Variants in SLC22A7 observed in about 807,000 individuals in gnomAD.
SLC22A7 encodes the protein hOAT2.
Under a neutral mutation model 62.2 loss-of-function variants are expected in SLC22A7, and 48 were observed. That is an observed-to-expected ratio of 0.77 (90% confidence interval 0.61 to 0.98). The LOEUF (loss-of-function observed/expected upper bound fraction) is 0.98. Ranked by LOEUF, SLC22A7 falls within the 50% of genes least tolerant of loss-of-function variation. The pLI is 0.00. For missense variants in SLC22A7, 581 were observed against 703.8 expected, an observed-to-expected ratio of 0.83 and a Z score of 1.97; for synonymous variants, 276 against 314.8, an observed-to-expected ratio of 0.88 and a Z score of 1.30.
chr6:43,304,248 T>A lies in SLC22A7; in HGVS notation c.1592+4T>A. On this transcript the variant is annotated splice_donor_region_variant and intron_variant, in intron 10 of 10. Transcript: ENST00000372585. The stretch of plus-strand genomic sequence containing the variant: ...TCCAGGACGTGGAGAGAAAGAGGTG[T>A]GTGCACAGGACTGTGTCTGTGTACG... The A allele has an allele frequency of 9.1e-6, 14 of 1,541,956 alleles. No individual in the cohort carries two copies. Among genetic ancestry groups the A allele is most frequent in the Non-Finnish European group, 1.1e-5 (13 of 1,142,158 alleles).
In SLC22A7 at chr6:43,299,589, C is replaced by T; in HGVS notation, c.504-38C>T. On this transcript the variant is annotated intron_variant, in intron 3 of 10. Coordinates refer to ENST00000372585, the MANE Select transcript of SLC22A7 (RefSeq NM_153320.2). This position sits in a 1 kb window ranked among gnomAD's most constrained non-coding sequence, Gnocchi z 4.4. Reference sequence around the variant, plus strand: ...TAGTCTACCTATGCCTTAGAACCTCCTTCCACAGGGAACTGACCCTGCATG... The same window carrying T: ...TAGTCTACCTATGCCTTAGAACCTCTTTCCACAGGGAACTGACCCTGCATG... 6.2e-7 allele frequency: 1 copy of T among 1,613,874 alleles called. No homozygotes were observed. The highest frequency in any genetic ancestry group is 8.5e-7 in the Non-Finnish European group (1 of 1,179,810).
rs758404109 is a variant in SLC22A7 at position 43,299,855 on chromosome 6, C to A, written c.659-43C>A. ...GTTGTCAGAGTGAGGCTGAGCCCAT[C>A]TGGTCCTCACTAACCATCTTCCTGT... On this transcript the variant is annotated intron_variant, in intron 4 of 10. Transcript: ENST00000372585. The surrounding 1 kb of genome is among the most constrained non-coding windows in gnomAD (Gnocchi z 4.4). 18 of 1,614,078 alleles carry A rather than the reference C, an allele frequency of 1.1e-5. No individual in the cohort carries two copies. The South Asian group carries it at 2.0e-4, about 18-fold the overall frequency.
Position 43,302,473 on chromosome 6 carries a change from C to T in SLC22A7, c.1276+59C>T. ...GAAGCCGGGCCAGGAACCCTGCCCA[C>T]TCCCCGGAGACCCCACCTCCTGGCC... is the stretch of plus-strand genomic sequence containing the variant. On this transcript the variant is annotated intron_variant, in intron 8 of 10. Transcript: ENST00000372585. The surrounding 1 kb of genome is among the most constrained non-coding windows in gnomAD (Gnocchi z 5.0). 7.0e-7 allele frequency: 1 copy of T among 1,425,668 alleles called. No homozygotes were observed. Among genetic ancestry groups the T allele is most frequent in the Admixed American group, 2.2e-5 (1 of 45,394 alleles). The allele number at this position is 1,425,668 out of a possible 1,614,324, so 88.3% of individuals were successfully genotyped here. A position where few individuals can be genotyped will look rare whatever the true frequency, so the allele number is the denominator to read the frequency against.
chr6:43,298,580 T>A lies in SLC22A7; in HGVS notation c.222T>A (p.Asp74Glu). ...WLEAHLPREP[D>E]GTLSSCLRFA... Reference sequence around the variant, plus strand: ...AGGCCCATCTTCCCCGGGAGCCTGATGGCACGCTCAGCTCCTGCCTCCGCT... The same window carrying A: ...AGGCCCATCTTCCCCGGGAGCCTGAAGGCACGCTCAGCTCCTGCCTCCGCT... Residue 74 changes from aspartate to glutamate, a missense_variant, in exon 1 of 11, where the codon GAT becomes GAA. Physicochemically the swap from Asp to Glu is conservative, Grantham distance 45. Transcript: ENST00000372585. 6.2e-7 allele frequency: 1 copy of A among 1,613,508 alleles called. No individual in the cohort carries two copies. Among genetic ancestry groups the A allele is most frequent in the Non-Finnish European group, 8.5e-7 (1 of 1,179,716 alleles).
rs113542621 is a variant in SLC22A7 at position 43,299,883 on chromosome 6, C to T, written c.659-15C>T. 5.0e-6 allele frequency: 8 copies of T among 1,614,224 alleles called. No homozygotes were observed. The African/African-American group carries it at 6.7e-5, about 13-fold the overall frequency. Reference sequence around the variant, plus strand: ...GTCCTCACTAACCATCTTCCTGTCTCCTGTCCTGGCCCAGAGCTGGAGTGG... The same window carrying T: ...GTCCTCACTAACCATCTTCCTGTCTTCTGTCCTGGCCCAGAGCTGGAGTGG... On this transcript the variant is annotated splice_polypyrimidine_tract_variant and intron_variant, in intron 4 of 10. Transcript: ENST00000372585. The surrounding 1 kb of genome is among the most constrained non-coding windows in gnomAD (Gnocchi z 4.4).
chr6:43,296,381 G>GA (rs1278926272), upstream of SLC22A7, among the ~76,000 whole-genome samples: 4 of 152,240 alleles, frequency 2.6e-5, no homozygotes, highest in Non-Finnish European at 5.9e-5. Context: ...CTCTGGCTGT[G>GA]AAAAAACTTC....
At position 43,305,503 on chromosome 6, in the gene SLC22A7, G is replaced by A. The variant is rs1778905463; in HGVS notation, c.*778G>A. The stretch of plus-strand genomic sequence containing the variant: ...CCAACATTTTATTGAAGAAGCCACA[G>A]AGGCTGAAATTCAATAAACACAAGT... On this transcript the variant is annotated 3_prime_UTR_variant, in exon 11 of 11. Transcript: ENST00000372585. 2.4e-6 allele frequency: 1 copy of A among 421,222 alleles called. No individual in the cohort carries two copies. Among genetic ancestry groups the A allele is most frequent in the East Asian group, 5.4e-5 (1 of 18,612 alleles). 26.1% of individuals were successfully genotyped at this position (421,222 alleles called of 1,614,324 possible). A position where few individuals can be genotyped will look rare whatever the true frequency, so the allele number is the denominator to read the frequency against.
At chr6:43,300,092 C>A (rs778495880) in intron 5 of SLC22A7, 26 bp downstream of exon 5, 2 of 1,610,040 alleles carry the variant, frequency 1.2e-6, no homozygotes, top group Admixed American at 1.7e-5. Flanking sequence ...AGCTGGGGAG[C>A]GGGAGATACA....
rs1397941830 is a variant in SLC22A7 at position 43,299,449 on chromosome 6, C to T, written c.459C>T (p.Ala153=). The change falls in exon 3 of 11, where the codon GCC becomes GCT. Residue 153 remains alanine (A), a synonymous_variant. Coordinates refer to ENST00000372585, the MANE Select transcript of SLC22A7 (RefSeq NM_153320.2). This position sits in a 1 kb window ranked among gnomAD's most constrained non-coding sequence, Gnocchi z 4.4. The part of the protein sequence containing the change: ...LNRAASTFFF[A]GVLVGAVAFG... ...GAGCTGCGTCCACTTTCTTCTTCGC[C>T]GGTGTGCTGGTGGGGGCTGTGGCCT... The T allele has an allele frequency of 9.3e-6, 15 of 1,613,876 alleles. No homozygotes were observed. Among genetic ancestry groups the T allele is most frequent in the African/African-American group, 2.7e-5 (2 of 74,870 alleles).
chr6:43,298,683 G>A lies in SLC22A7; in HGVS notation c.325G>A (p.Ala109Thr), dbSNP rs747764429. The A allele has an allele frequency of 6.4e-7, 1 of 1,555,796 alleles. No individual in the cohort carries two copies. The highest frequency in any genetic ancestry group is 8.7e-7 in the Non-Finnish European group (1 of 1,149,042). The change falls in exon 1 of 11, where the codon GCC (alanine) becomes ACC (threonine). Residue 109 changes from alanine (A) to threonine (T), a missense_variant. Ala to Thr is a moderately conservative substitution (Grantham distance 58, BLOSUM62 0). Transcript: ENST00000372585. The stretch of plus-strand genomic sequence containing the variant: ...CCGTGGGGAGCTGGAGGATGAACCT[G>A]CCACAGTGCCCTGCTCTCAGGGCTG... ...QSRGELEDEPATVPCSQGWEY... is the reference protein window; with the variant it reads ...QSRGELEDEPTTVPCSQGWEY...
rs951698596 is a variant in SLC22A7 at position 43,304,090 on chromosome 6, G to A, written c.1438G>A (p.Ala480Thr). The change falls in exon 10 of 11, where the codon GCC becomes ACC. Residue 480 changes from alanine to threonine, a missense_variant. Ala to Thr is a moderately conservative substitution (Grantham distance 58). Transcript: ENST00000372585. ...GGTGGGCCGGCTGGGGGGCTCTTTG[G>A]CCCCACTGGCGGCCTTGCTGGATGG... is the stretch of plus-strand genomic sequence containing the variant. ...ALVGRLGGSL[A>T]PLAALLDGVW... 1 of 1,599,012 alleles carries A rather than the reference G, an allele frequency of 6.3e-7. No individual in the cohort carries two copies. Among genetic ancestry groups the A allele is most frequent in the Non-Finnish European group, 8.5e-7 (1 of 1,171,236 alleles).
Position 43,303,146 on chromosome 6 carries a change from C to A in SLC22A7, c.1385+383C>A, listed in dbSNP as rs79492171. The A allele has an allele frequency of 7.1e-6, 7 of 985,390 alleles. No homozygotes were observed. In the African/African-American group the frequency reaches 1.0e-4, roughly 15 times the overall value. The allele number at this position is 985,390 out of a possible 1,614,324, so 61.0% of individuals were successfully genotyped here. A position where few individuals can be genotyped will look rare whatever the true frequency, so the allele number is the denominator to read the frequency against. On this transcript the variant is annotated intron_variant, in intron 9 of 10. Transcript: ENST00000372585. Reference sequence around the variant, plus strand: ...TGTGACCCTGAGCCACGTCAGACATCCTCTCTGGGCCTCCTTAAGAAAACA... The same window carrying A: ...TGTGACCCTGAGCCACGTCAGACATACTCTCTGGGCCTCCTTAAGAAAACA...
At chr6:43,298,233 T>A, upstream of SLC22A7, 1 of 850,066 alleles carries the variant, frequency 1.2e-6, no homozygotes, top group Non-Finnish European at 1.8e-6. Flanking sequence ...AGGGCTGGAT[T>A]CTGGCTGCAG....
Position 43,301,278 on chromosome 6 carries a change from T to G in SLC22A7, c.951+20T>G. The G allele has an allele frequency of 6.2e-7, 1 of 1,613,910 alleles. No homozygotes were observed. Among genetic ancestry groups the G allele is most frequent in the Non-Finnish European group, 8.5e-7 (1 of 1,179,982 alleles). ...CAGGAGGTGAGGGTGAACGTGTGTG[T>G]GAGCATGCATATATGTGTGTGGTGG... On this transcript the variant is annotated intron_variant, in intron 6 of 10. Transcript: ENST00000372585.
chr6:43,301,878 G>A (rs1778764679), intron 7 of SLC22A7, among the ~76,000 whole-genome samples, 186 bp downstream of exon 7: 2 of 152,156 alleles, frequency 1.3e-5, no homozygotes, highest in African/African-American at 2.4e-5. Context: ...AGAGACACAT[G>A]GGTTCAAGCT....
At position 43,300,083 on chromosome 6, in the gene SLC22A7, G is replaced by A. The variant is rs70953679; in HGVS notation, c.827+17G>A. On this transcript the variant is annotated intron_variant, in intron 5 of 10. Transcript: ENST00000372585. ...CAGCCTCTGGTGAGGACTGCAGGCA[G>A]CTGGGGAGCGGGAGATACAGGAAGT... The A allele has an allele frequency of 4.3e-6, 7 of 1,613,218 alleles. No homozygotes were observed. In the African/African-American group the frequency reaches 9.3e-5, roughly 22 times the overall value.
In SLC22A7 at chr6:43,302,100, GA is replaced by G; in HGVS notation, c.1062-98del. 9.2e-7 allele frequency: 1 copy of G among 1,081,692 alleles called. No individual in the cohort carries two copies. Among genetic ancestry groups the G allele is most frequent in the Non-Finnish European group, 1.4e-6 (1 of 738,844 alleles). 67.0% of individuals were successfully genotyped at this position (1,081,692 alleles called of 1,614,324 possible). A position where few individuals can be genotyped will look rare whatever the true frequency, so the allele number is the denominator to read the frequency against. ...GGGGGGACCGGGGGTTGCAGAGACA[GA>G]AGGAGATTGCCCTTGTAAAATGCCA... On this transcript the variant is annotated intron_variant, in intron 7 of 10. Transcript: ENST00000372585. This position sits in a 1 kb window ranked among gnomAD's most constrained non-coding sequence, Gnocchi z 5.0.
At position 43,298,373 on chromosome 6, in the gene SLC22A7, G is replaced by T. The variant is rs1778605786; in HGVS notation, c.15G>T (p.Glu5Asp). Residue 5 changes from glutamate to aspartate, a missense_variant, in exon 1 of 11, where the codon GAG (glutamate) becomes GAT (aspartate). By Grantham distance (45) the Glu-to-Asp change is conservative. Coordinates refer to ENST00000372585, the MANE Select transcript of SLC22A7 (RefSeq NM_153320.2). ...GGGTGAGCAGCATGGGCTTTGAGGA[G>T]CTGCTGGAGCAGGTGGGCGGCTTTG... MGFE[E>D]LLEQVGGFGP... 6.2e-7 allele frequency: 1 copy of T among 1,611,964 alleles called. No individual in the cohort carries two copies. The highest frequency in any genetic ancestry group is 1.3e-5 in the African/African-American group (1 of 74,922).
Position 43,302,407 on chromosome 6 carries a change from G to A in SLC22A7, c.1269G>A (p.Val423=), listed in dbSNP as rs1179418574. 6.3e-7 allele frequency: 1 copy of A among 1,587,778 alleles called. No homozygotes were observed. Among genetic ancestry groups the A allele is most frequent in the East Asian group, 2.3e-5 (1 of 43,964 alleles). The change falls in exon 8 of 11, where the codon GTG becomes GTA. Residue 423 remains valine (V), a synonymous_variant. Coordinates refer to ENST00000372585, the MANE Select transcript of SLC22A7 (RefSeq NM_153320.2). The surrounding 1 kb of genome is among the most constrained non-coding windows in gnomAD (Gnocchi z 5.0). The part of the protein sequence containing the change: ...TALAFGTRLL[V]SSDMKSWSTV... ...TGGCGTTCGGCACTAGACTGCTAGTGTCCTCCGGTGAGCCCAGTCCCATAG... is the reference window on the plus strand; with the variant it reads ...TGGCGTTCGGCACTAGACTGCTAGTATCCTCCGGTGAGCCCAGTCCCATAG...
Sources: gnomAD v4.1 joint callset for allele counts (sites outside exome capture counted in the v4.1 genomes callset) on GRCh38, gnomAD v4.1.1 for gene constraint, Gnocchi (gnomAD v3.1) non-coding constraint, MANE v1.5 for transcripts, NCBI Gene and HGNC (gene_info 2026-07-23, HGNC 2026-07-21) for gene names.